FZD7: variants seen among roughly 807,000 people sequenced by gnomAD.
FZD7 encodes the protein frizzled class receptor 7.
Under a neutral mutation model 39.0 loss-of-function variants are expected in FZD7, and 21 were observed. The ratio of observed to expected loss-of-function variants is 0.54; its 90% CI spans 0.38 to 0.78. The LOEUF (loss-of-function observed/expected upper bound fraction) is 0.78, where lower values mean the gene tolerates loss of function less well. Among genes scored for constraint, FZD7 ranks in the 30% least tolerant of loss-of-function variants. The pLI, the probability that FZD7 is intolerant of heterozygous loss-of-function variation, is 0.00. For missense variants in FZD7, 695 were observed against 805.0 expected, an observed-to-expected ratio of 0.86 and a Z score of 1.65; for synonymous variants, 428 against 364.9, an observed-to-expected ratio of 1.17 and a Z score of -1.97.
chr2:202,034,507 TCCACGCCGC>T lies in FZD7; in HGVS notation c.-135_-127del. 3.2e-6 allele frequency: 2 copies of T among 631,254 alleles called. No homozygotes were observed. The highest frequency in any genetic ancestry group is 4.7e-6 in the Non-Finnish European group (2 of 421,772). The allele number at this position is 631,254 out of a possible 1,614,324, so 39.1% of individuals were successfully genotyped here. ...GCACCCAGGCGGCAGCGCCCTTTGC[TCCACGCCGC>T]CCACGGCCCGGCCCCGGCGCCGTGA... is the stretch of plus-strand genomic sequence containing the variant. On this transcript the variant is annotated 5_prime_UTR_variant, in exon 1 of 1. Coordinates refer to ENST00000286201, the MANE Select transcript of FZD7 (RefSeq NM_003507.2).
At position 202,033,966 on chromosome 2, in the gene FZD7, C is replaced by A. The variant is rs571164209; in HGVS notation, c.-682C>A. Among the ~76,000 whole-genome samples the A allele has an allele frequency of 6.6e-5, 10 of 151,152 alleles. No homozygotes were observed. The South Asian group carries it at 1.2e-3, about 19-fold the overall frequency. Reference sequence around the variant, plus strand: ...AGGGGCCGGGGCCAGGCCGCGGGCACGAGCGCCTCGCGGTTTCGGACGCAG... The same window carrying A: ...AGGGGCCGGGGCCAGGCCGCGGGCAAGAGCGCCTCGCGGTTTCGGACGCAG... On this transcript the variant is annotated 5_prime_UTR_variant, in exon 1 of 1. Coordinates refer to ENST00000286201, the MANE Select transcript of FZD7 (RefSeq NM_003507.2).
rs548996189 is a variant in FZD7 at position 202,034,662 on chromosome 2, C to T, written c.15C>T (p.Gly5=). The T allele has an allele frequency of 1.9e-6, 3 of 1,568,628 alleles. No individual in the cohort carries two copies. The highest frequency in any genetic ancestry group is 4.5e-5 in the East Asian group (2 of 44,458). ...CGCGGCCGGCGATGCGGGACCCCGG[C>T]GCGGCCGCTCCGCTTTCGTCCCTGG... MRDP[G]AAAPLSSLGL... The change falls in exon 1 of 1, where the codon GGC becomes GGT. Residue 5 remains glycine (G), a synonymous_variant. Coordinates refer to ENST00000286201, the MANE Select transcript of FZD7 (RefSeq NM_003507.2).
chr2:202,036,270 C>T lies in FZD7; in HGVS notation c.1623C>T (p.Gly541=). 6.2e-7 allele frequency: 1 copy of T among 1,613,468 alleles called. No individual in the cohort carries two copies. Among genetic ancestry groups the T allele is most frequent in the Non-Finnish European group, 8.5e-7 (1 of 1,179,958 alleles). ...AGTACCTGATGACCATGATCGTCGG[C>T]ATCACCACTGGCTTCTGGATCTGGT... ...MIKYLMTMIV[G]ITTGFWIWSG... Residue 541 remains glycine (G), a synonymous_variant, in exon 1 of 1, where the codon GGC becomes GGT. Coordinates refer to ENST00000286201, the MANE Select transcript of FZD7 (RefSeq NM_003507.2).
chr2:202,034,966 GCGC>G lies in FZD7; in HGVS notation c.321_323del (p.Pro108del). On this transcript the variant is annotated inframe_deletion, in exon 1 of 1. Transcript: ENST00000286201. ...CCGCTTTTTCTTATGCTCCATGTATGCGCCCGTGTGCACCGTGCTCGATCAGGC... is the reference window on the plus strand; with the variant it reads ...CCGCTTTTTCTTATGCTCCATGTATGCCGTGTGCACCGTGCTCGATCAGGC... 6.2e-7 allele frequency: 1 copy of G among 1,614,094 alleles called. No individual in the cohort carries two copies. Among genetic ancestry groups the G allele is most frequent in the Non-Finnish European group, 8.5e-7 (1 of 1,180,028 alleles).
In FZD7 at chr2:202,034,972, G is replaced by T. The variant is rs764888077; in HGVS notation, c.325G>T (p.Val109Leu). The part of the protein sequence containing the change: ...RFFLCSMYAP[V>L]CTVLDQAIPP... ...TTTCTTATGCTCCATGTATGCGCCCGTGTGCACCGTGCTCGATCAGGCCAT... is the reference window on the plus strand; with the variant it reads ...TTTCTTATGCTCCATGTATGCGCCCTTGTGCACCGTGCTCGATCAGGCCAT... Residue 109 changes from valine to leucine, a missense_variant, in exon 1 of 1, where the codon GTG (valine) becomes TTG (leucine). Coordinates refer to ENST00000286201, the MANE Select transcript of FZD7 (RefSeq NM_003507.2). The T allele has an allele frequency of 6.2e-7, 1 of 1,614,040 alleles. No individual in the cohort carries two copies. The highest frequency in any genetic ancestry group is 8.5e-7 in the Non-Finnish European group (1 of 1,180,024).
rs150336105 is a variant in FZD7 at position 202,034,773 on chromosome 2, C to G, written c.126C>G (p.Ser42=). The change falls in exon 1 of 1, where the codon TCC becomes TCG. Residue 42 remains serine, a synonymous_variant. Coordinates refer to ENST00000286201, the MANE Select transcript of FZD7 (RefSeq NM_003507.2). Reference sequence around the variant, plus strand: ...CGTACCACGGAGAGAAGGGCATCTCCGTGCCGGACCACGGCTTCTGCCAGC... The same window carrying G: ...CGTACCACGGAGAGAAGGGCATCTCGGTGCCGGACCACGGCTTCTGCCAGC... The part of the protein sequence containing the change: ...AQPYHGEKGI[S]VPDHGFCQPI... 868 of 1,612,762 alleles carry G rather than the reference C, an allele frequency of 5.4e-4. 6 individuals carry two copies. The African/African-American group carries it at 0.01, about 19-fold the overall frequency.
In FZD7 at chr2:202,036,580, G is replaced by T; in HGVS notation, c.*208G>T. 1.7e-6 allele frequency: 1 copy of T among 580,402 alleles called. No individual in the cohort carries two copies. The highest frequency in any genetic ancestry group is 2.5e-5 in the South Asian group (1 of 40,344). 36.0% of individuals were successfully genotyped at this position (580,402 alleles called of 1,614,324 possible). On this transcript the variant is annotated 3_prime_UTR_variant, in exon 1 of 1. Transcript: ENST00000286201. The stretch of plus-strand genomic sequence containing the variant: ...GGGTGGAAAGCGGTTTGGATGAAAA[G>T]ATTTCAGGCAAAGACTTGCAGGAAG...
Position 202,035,101 on chromosome 2 carries a change from C to A in FZD7, c.454C>A (p.Pro152Thr). ...CGAGCGGCTGCGCTGCGAGAACTTC[C>A]CGGTGCACGGTGCGGGCGAGATCTG... ...WPERLRCENF[P>T]VHGAGEICVG... Residue 152 changes from proline to threonine, a missense_variant, in exon 1 of 1, where the codon CCG (proline) becomes ACG (threonine). Pro to Thr is a conservative substitution (Grantham distance 38, BLOSUM62 -1). Coordinates refer to ENST00000286201, the MANE Select transcript of FZD7 (RefSeq NM_003507.2). 1 of 1,608,964 alleles carries A rather than the reference C, an allele frequency of 6.2e-7. No individual in the cohort carries two copies. The highest frequency in any genetic ancestry group is 8.5e-7 in the Non-Finnish European group (1 of 1,179,610).
rs1230100560 is a variant in FZD7 at position 202,035,019 on chromosome 2, C to T, written c.372C>T (p.Cys124=). The T allele has an allele frequency of 2.5e-6, 4 of 1,613,232 alleles. No homozygotes were observed. Among genetic ancestry groups the T allele is most frequent in the Non-Finnish European group, 2.5e-6 (3 of 1,179,916 alleles). The change falls in exon 1 of 1, where the codon TGC becomes TGT. Residue 124 remains cysteine, a synonymous_variant. Coordinates refer to ENST00000286201, the MANE Select transcript of FZD7 (RefSeq NM_003507.2). ...DQAIPPCRSL[C]ERARQGCEAL... is the part of the protein sequence containing the mutation. ...CCATCCCGCCGTGTCGTTCTCTGTG[C>T]GAGCGCGCCCGCCAGGGCTGCGAGG...
In FZD7 at chr2:202,033,975, C is replaced by T. The variant is rs1048251928; in HGVS notation, c.-673C>T. On this transcript the variant is annotated 5_prime_UTR_variant, in exon 1 of 1. Coordinates refer to ENST00000286201, the MANE Select transcript of FZD7 (RefSeq NM_003507.2). ...GGCCAGGCCGCGGGCACGAGCGCCT[C>T]GCGGTTTCGGACGCAGTGTGACTGG... is the stretch of plus-strand genomic sequence containing the variant. Among the ~76,000 whole-genome samples, 1 of 151,328 alleles carries T rather than the reference C, an allele frequency of 6.6e-6. No homozygotes were observed. The highest frequency in any genetic ancestry group is 1.5e-5 in the Non-Finnish European group (1 of 67,842).
Position 202,036,159 on chromosome 2 carries a change from C to T in FZD7, c.1512C>T (p.Leu504=). The T allele has an allele frequency of 2.5e-6, 4 of 1,613,632 alleles. No homozygotes were observed. Among genetic ancestry groups the T allele is most frequent in the Non-Finnish European group, 3.4e-6 (4 of 1,180,038 alleles). Residue 504 remains leucine (L), a synonymous_variant, in exon 1 of 1, where the codon CTC becomes CTT. Transcript: ENST00000286201. ...AFREHWERTW[L]LQTCKSYAVP... ...GCGAGCACTGGGAGCGCACCTGGCT[C>T]CTGCAGACGTGCAAGAGCTATGCCG...
chr2:202,035,777 A>G lies in FZD7; in HGVS notation c.1130A>G (p.Asn377Ser). 4 of 1,614,036 alleles carry G rather than the reference A, an allele frequency of 2.5e-6. No homozygotes were observed. Among genetic ancestry groups the G allele is most frequent in the Non-Finnish European group, 3.4e-6 (4 of 1,180,008 alleles). ...TGGGGCCACGAGGCCATCGAGGCCA[A>G]CTCGCAGTACTTCCACCTGGCCGCG... ...MKWGHEAIEA[N>S]SQYFHLAAWA... The change falls in exon 1 of 1, where the codon AAC becomes AGC. Residue 377 changes from asparagine (N) to serine (S), a missense_variant. Physicochemically the swap from Asn to Ser is conservative, Grantham distance 46 (BLOSUM62 1). Coordinates refer to ENST00000286201, the MANE Select transcript of FZD7 (RefSeq NM_003507.2).
rs913239644 is a variant in FZD7, at chr2:202,034,445, G to A, written c.-203G>A. The A allele has an allele frequency of 6.2e-6, 2 of 324,456 alleles. No homozygotes were observed. Among genetic ancestry groups the A allele is most frequent in the Middle Eastern group, 8.4e-4 (1 of 1,190 alleles). 20.1% of individuals were successfully genotyped at this position (324,456 alleles called of 1,614,324 possible). On this transcript the variant is annotated 5_prime_UTR_variant, in exon 1 of 1. Transcript: ENST00000286201. ...TTGGGCCCCCGGCGGCCCTGCGAGT[G>A]CAGGGCGGCGGCGTCTGCGGCGCCT... is the stretch of plus-strand genomic sequence containing the variant.
rs1271603959 is a variant in FZD7, at chr2:202,035,779, T to C, written c.1132T>C (p.Ser378Pro). Residue 378 changes from serine (S) to proline (P), a missense_variant, in exon 1 of 1, where the codon TCG becomes CCG. Ser to Pro is a moderately conservative substitution (Grantham distance 74, BLOSUM62 -1). Transcript: ENST00000286201. ...KWGHEAIEAN[S>P]QYFHLAAWAV... ...GGGCCACGAGGCCATCGAGGCCAAC[T>C]CGCAGTACTTCCACCTGGCCGCGTG... The C allele has an allele frequency of 1.2e-6, 2 of 1,614,144 alleles. No individual in the cohort carries two copies. Among genetic ancestry groups the C allele is most frequent in the South Asian group, 2.2e-5 (2 of 91,078 alleles).
At position 202,036,692 on chromosome 2, in the gene FZD7, T is replaced by A; in HGVS notation, c.*320T>A. The A allele has an allele frequency of 2.9e-6, 1 of 342,102 alleles. No homozygotes were observed. The highest frequency in any genetic ancestry group is 5.7e-6 in the Non-Finnish European group (1 of 175,804). The allele number at this position is 342,102 out of a possible 1,614,324, so 21.2% of individuals were successfully genotyped here. On this transcript the variant is annotated 3_prime_UTR_variant, in exon 1 of 1. Coordinates refer to ENST00000286201, the MANE Select transcript of FZD7 (RefSeq NM_003507.2). Reference sequence around the variant, plus strand: ...TGAGACCAGCAGAGACTGCTGTGAGTTTCTCCCGGCTCCGAGGCTGAACGG... The same window carrying A: ...TGAGACCAGCAGAGACTGCTGTGAGATTCTCCCGGCTCCGAGGCTGAACGG...
rs35732430 is a variant in FZD7, at chr2:202,034,725, G to A, written c.78G>A (p.Leu26=). 2 of 1,611,354 alleles carry A rather than the reference G, an allele frequency of 1.2e-6. No individual in the cohort carries two copies. Among genetic ancestry groups the A allele is most frequent in the African/African-American group, 2.7e-5 (2 of 74,864 alleles). Reference sequence around the variant, plus strand: ...TGGTGCTGGCGCTGCTGGGCGCACTGTCCGCGGGCGCCGGGGCGCAGCCGT... The same window carrying A: ...TGGTGCTGGCGCTGCTGGGCGCACTATCCGCGGGCGCCGGGGCGCAGCCGT... The part of the protein sequence containing the change: ...CALVLALLGA[L]SAGAGAQPYH... Residue 26 remains leucine, a synonymous_variant, in exon 1 of 1, where the codon CTG becomes CTA. Transcript: ENST00000286201.
At position 202,035,211 on chromosome 2, in the gene FZD7, G is replaced by C; in HGVS notation, c.564G>C (p.Leu188=). The change falls in exon 1 of 1, where the codon CTG becomes CTC. Residue 188 remains leucine, a synonymous_variant. Transcript: ENST00000286201. The part of the protein sequence containing the change: ...AYPTAPYLPD[L]PFTALPPGAS... ...CTACCGCGCCCTACCTGCCGGACCT[G>C]CCCTTCACCGCGCTGCCCCCGGGGG... is the stretch of plus-strand genomic sequence containing the variant. 7 of 1,599,966 alleles carry C rather than the reference G, an allele frequency of 4.4e-6. No individual in the cohort carries two copies. The highest frequency in any genetic ancestry group is 5.9e-6 in the Non-Finnish European group (7 of 1,179,172).
Position 202,035,857 on chromosome 2 carries a change from G to C in FZD7, c.1210G>C (p.Gly404Arg). 1 of 1,614,120 alleles carries C rather than the reference G, an allele frequency of 6.2e-7. No individual in the cohort carries two copies. The change falls in exon 1 of 1, where the codon GGG (glycine) becomes CGG (arginine). Residue 404 changes from glycine to arginine, a missense_variant. Transcript: ENST00000286201. ...ITILAMGQVD[G>R]DLLSGVCYVG... ...TATCCTGGCCATGGGCCAGGTAGAC[G>C]GGGACCTGCTGAGCGGGGTGTGCTA... is the stretch of plus-strand genomic sequence containing the variant.
In FZD7 at chr2:202,036,182, C is replaced by G. The variant is rs541873049; in HGVS notation, c.1535C>G (p.Ala512Gly). The G allele has an allele frequency of 6.2e-7, 1 of 1,613,496 alleles. No individual in the cohort carries two copies. Among genetic ancestry groups the G allele is most frequent in the East Asian group, 2.2e-5 (1 of 44,870 alleles). ...CTCCTGCAGACGTGCAAGAGCTATGCCGTGCCCTGCCCGCCCGGCCACTTC... is the reference window on the plus strand; with the variant it reads ...CTCCTGCAGACGTGCAAGAGCTATGGCGTGCCCTGCCCGCCCGGCCACTTC... ...TWLLQTCKSYAVPCPPGHFPP... is the reference protein window; with the variant it reads ...TWLLQTCKSYGVPCPPGHFPP... The change falls in exon 1 of 1, where the codon GCC becomes GGC. Residue 512 changes from alanine (A) to glycine (G), a missense_variant. By Grantham distance (60) the Ala-to-Gly change is moderately conservative (BLOSUM62 0). Coordinates refer to ENST00000286201, the MANE Select transcript of FZD7 (RefSeq NM_003507.2).
Sources: gnomAD v4.1 joint callset for allele counts (sites outside exome capture counted in the v4.1 genomes callset) on GRCh38, gnomAD v4.1.1 for gene constraint, MANE v1.5 for transcripts, NCBI Gene and HGNC (gene_info 2026-07-23, HGNC 2026-07-21) for gene names.